Variants in LHFPL3 observed in about 807,000 individuals in gnomAD.
The protein encoded by LHFPL3 is LHFPL tetraspan subfamily member 3.
LHFPL3 carries 5 observed loss-of-function variants against 19.3 expected under a neutral mutation model. That is an observed-to-expected ratio of 0.26 (90% confidence interval 0.14 to 0.54). The LOEUF is 0.54. Among genes scored for constraint, LHFPL3 ranks in the 20% least tolerant of loss-of-function variants. The pLI is 0.94. For synonymous variants in LHFPL3, 133 were observed against 126.2 expected, an observed-to-expected ratio of 1.05 and a Z score of -0.36; for missense variants, 249 against 307.4, an observed-to-expected ratio of 0.81 and a Z score of 1.42.
chr7:104,863,525 G>A (rs1791656049), intron 2 of LHFPL3, among the ~76,000 whole-genome samples: 1 of 152,200 alleles, frequency 6.6e-6, no homozygotes, highest in Non-Finnish European at 1.5e-5. Flanking sequence ...GCTGCCTCAG[G>A]ACAGCTTGTG....
intron 1 of LHFPL3, among the ~76,000 whole-genome samples, chr7:104,674,150 A>G (rs1792541650): frequency 6.7e-6 from 1 of 150,366 alleles, no homozygotes; most frequent in Non-Finnish European, 1.5e-5. Context: ...TGTTCTTCAT[A>G]ATTTCAGTAC....
In LHFPL3 at chr7:104,493,802, C is replaced by T. The variant is rs1482315482; in HGVS notation, c.445+164578C>T. 3.3e-5 allele frequency among the ~76,000 whole-genome samples: 5 copies of T among 151,960 alleles called. No homozygotes were observed. In the East Asian group the frequency reaches 9.6e-4, roughly 29 times the overall value. On this transcript the variant is annotated intron_variant, in intron 1 of 2. Coordinates refer to ENST00000424859, the MANE Select transcript of LHFPL3 (RefSeq NM_199000.3). ...ATTATAATCACCTCTTAACTAATCT[C>T]CTCTCCTGGTCTCTTACTTCTCTGT...
rs199835485 is a variant in LHFPL3 at position 104,397,014 on chromosome 7, G to GTA, written c.445+67791_445+67792dup. ...CAGAGATTTCCTTCTGTTTTTAGTT[G>GTA]TAGTATTTTGCTTGGTTGGATTAAA... is the stretch of plus-strand genomic sequence containing the variant. On this transcript the variant is annotated intron_variant, in intron 1 of 2. Transcript: ENST00000424859. Among the ~76,000 whole-genome samples, 107 of 152,202 alleles carry GTA rather than the reference G, an allele frequency of 7.0e-4. 1 individual carries two copies. The East Asian group carries it at 0.017, about 24-fold the overall frequency.
chr7:104,832,568 C>T (rs1272297152), intron 2 of LHFPL3, among the ~76,000 whole-genome samples: 1 of 151,602 alleles, frequency 6.6e-6, no homozygotes, highest in Non-Finnish European at 1.5e-5. Context: ...ATAGCTCTTT[C>T]CCTGCCAGAG....
intron 2 of LHFPL3, among the ~76,000 whole-genome samples, chr7:104,887,351 G>T (rs1410558281): frequency 6.6e-6 from 1 of 152,220 alleles, no homozygotes. Flanking sequence ...AGAAGACACT[G>T]GTAGGGGATG....
chr7:104,593,334 T>C (rs1790767514), intron 1 of LHFPL3, among the ~76,000 whole-genome samples: 1 of 152,206 alleles, frequency 6.6e-6, no homozygotes, highest in Non-Finnish European at 1.5e-5. Flanking sequence ...TCAGTTTCGA[T>C]GTAGTTGAGT....
intron 1 of LHFPL3, among the ~76,000 whole-genome samples, chr7:104,381,976 T>C (rs1790837759): frequency 7.9e-6 from 1 of 126,200 alleles, no homozygotes; most frequent in African/African-American, 2.8e-5. Flanking sequence ...TTAGGAAAAA[T>C]GGTGAGATGT....
At chr7:104,565,236 TA>T (rs1188155448) in intron 1 of LHFPL3, among the ~76,000 whole-genome samples, 2 of 152,236 alleles carry the variant, frequency 1.3e-5, no homozygotes, top group African/African-American at 4.8e-5. Context: ...GAGATAACTT[TA>T]TTCAGCTCTG....
In LHFPL3 at chr7:104,838,179, G is replaced by A. The variant is rs73417640; in HGVS notation, c.683-68008G>A. Among the ~76,000 whole-genome samples, 907 of 152,202 alleles carry A rather than the reference G, an allele frequency of 6.0e-3. 13 individuals are homozygous for A. The highest frequency in any genetic ancestry group is 0.021 in the African/African-American group (873 of 41,502). ...GGATACGGCTGGTAAAGATATATGA[G>A]AACCATTTGAGGAACTTTTTCAAAA... On this transcript the variant is annotated intron_variant, in intron 2 of 2. Coordinates refer to ENST00000424859, the MANE Select transcript of LHFPL3 (RefSeq NM_199000.3).
At chr7:104,533,822 C>G (rs1333461684) in intron 1 of LHFPL3, among the ~76,000 whole-genome samples, 6 of 152,306 alleles carry the variant, frequency 3.9e-5, no homozygotes, top group East Asian at 3.9e-4. Context: ...ACTTCTACCT[C>G]CCTTTCAATA....
chr7:104,532,316 G>GTTTTTTTTTTTTTTTTTTTTTTTTTTTTT (rs1562927584), intron 1 of LHFPL3, among the ~76,000 whole-genome samples: 1 of 63,326 alleles, frequency 1.6e-5, no homozygotes. Flanking sequence ...TTTTCTTTCT[G>GTTTTTTTTTTTTTTTTTTTTTTTTTTTTT]TCTTTTTTTT....
chr7:104,458,725 T>TAAA (rs56023324), intron 1 of LHFPL3, among the ~76,000 whole-genome samples: 24 of 143,048 alleles, frequency 1.7e-4, no homozygotes, highest in African/African-American at 2.3e-4. Context: ...CTTTCTTTCT[T>TAAA]AAAAAAAAAA....
chr7:104,647,101 C>T (rs576555081), intron 1 of LHFPL3, among the ~76,000 whole-genome samples: 1 of 152,338 alleles, frequency 6.6e-6, no homozygotes, highest in Admixed American at 6.5e-5. Context: ...GAATTAGTTA[C>T]TTCTTTTCAT....
intron 2 of LHFPL3, among the ~76,000 whole-genome samples, chr7:104,870,548 G>A (rs561545681): frequency 6.6e-6 from 1 of 152,318 alleles, no homozygotes; most frequent in East Asian, 1.9e-4. Flanking sequence ...ATCATGAGCA[G>A]GGTCTTAAGT....
At chr7:104,759,423 C>T (rs1185086570) in intron 2 of LHFPL3, among the ~76,000 whole-genome samples, 2 of 151,668 alleles carry the variant, frequency 1.3e-5, no homozygotes, top group African/African-American at 2.4e-5. Flanking sequence ...CCCAATATAC[C>T]CAAACTTTTA....
chr7:104,714,731 G>C (rs1162068439), intron 1 of LHFPL3, among the ~76,000 whole-genome samples: 2 of 152,144 alleles, frequency 1.3e-5, no homozygotes, highest in Admixed American at 6.5e-5. Flanking sequence ...TGGTGAAAAA[G>C]ATAATTCAGT....
intron 1 of LHFPL3, among the ~76,000 whole-genome samples, chr7:104,602,671 G>A (rs543477453): frequency 2.0e-5 from 3 of 152,152 alleles, no homozygotes; most frequent in African/African-American, 7.2e-5. Context: ...ATCAATCACC[G>A]AAATTTGTTG....
intron 2 of LHFPL3, among the ~76,000 whole-genome samples, chr7:104,802,249 C>A (rs1257225295): frequency 1.3e-5 from 2 of 152,046 alleles, no homozygotes; most frequent in Non-Finnish European, 1.5e-5. Flanking sequence ...ATTCCCAGCA[C>A]TTTGGGAGGG....
chr7:104,493,487 G>C (rs973187287), intron 1 of LHFPL3, among the ~76,000 whole-genome samples: 1 of 151,822 alleles, frequency 6.6e-6, no homozygotes, highest in African/African-American at 2.4e-5. Flanking sequence ...AGAGCCTGCT[G>C]GAGTTTTTCA....
Sources: gnomAD v4.1 joint callset for allele counts (sites outside exome capture counted in the v4.1 genomes callset) on GRCh38, gnomAD v4.1.1 for gene constraint, MANE v1.5 for transcripts, NCBI Gene and HGNC (gene_info 2026-07-23, HGNC 2026-07-21) for gene names.